HSF1: variants seen among roughly 807,000 people sequenced by gnomAD.
HSF1 encodes heat shock transcription factor 1.
HSF1 carries 32 observed loss-of-function variants against 51.7 expected under a neutral mutation model. That is an observed-to-expected ratio of 0.62 (90% confidence interval 0.47 to 0.83). The LOEUF (loss-of-function observed/expected upper bound fraction) is 0.83. HSF1 is among the 40% of genes least tolerant of loss of function. HSF1 has a pLI of 0.00. For missense variants in HSF1, 727 were observed against 717.0 expected (o/e 1.01, Z -0.16); for synonymous variants, 396 against 309.7 (o/e 1.28, Z -2.92).
At chr8:144,300,450 C>T (rs1379908630) in intron 1 of HSF1, among the ~76,000 whole-genome samples, 5 of 152,050 alleles carry the variant, frequency 3.3e-5, no homozygotes, top group African/African-American at 1.2e-4. Context: ...ATCTCCTGAC[C>T]TCGTGATCCG....
intron 1 of HSF1, among the ~76,000 whole-genome samples, chr8:144,299,458 G>T (rs1010839901): frequency 1.3e-5 from 2 of 149,770 alleles, no homozygotes; most frequent in African/African-American, 2.4e-5. Context: ...AAAAATTCAC[G>T]TCCAGAATCT....
chr8:144,295,183 G>C (rs996570983), intron 1 of HSF1, among the ~76,000 whole-genome samples: 2 of 152,180 alleles, frequency 1.3e-5, no homozygotes. Context: ...GGGCCTTGCT[G>C]GGCTGCAGCT....
rs782013906 is a variant in HSF1 at position 144,313,940 on chromosome 8, A to C, written c.1314+29A>C. 8.7e-6 allele frequency: 14 copies of C among 1,607,896 alleles called. No individual in the cohort carries two copies. The South Asian group carries it at 1.4e-4, about 16-fold the overall frequency. ...CGTAGGCGGGCGGGGGGTGAGGGGG[A>C]ACGAGACCAGCGGGAGTGCTCACAA... is the stretch of plus-strand genomic sequence containing the variant. On this transcript the variant is annotated intron_variant, in intron 11 of 12. Coordinates refer to ENST00000528838, the MANE Select transcript of HSF1 (RefSeq NM_005526.4).
Position 144,297,719 on chromosome 8 carries a change from G to A in HSF1, c.117+5845G>A, listed in dbSNP as rs891092343. Among the ~76,000 whole-genome samples, 1 of 152,208 alleles carries A rather than the reference G, an allele frequency of 6.6e-6. No individual in the cohort carries two copies. Among genetic ancestry groups the A allele is most frequent in the African/African-American group, 2.4e-5 (1 of 41,446 alleles). ...CCCGGGACCCGGAGAGGGAACAGCC[G>A]GCCAGCCGAGCCCAGGAGCCCAGAT... On this transcript the variant is annotated intron_variant, in intron 1 of 12. Coordinates refer to ENST00000528838, the MANE Select transcript of HSF1 (RefSeq NM_005526.4). This position sits in a 1 kb window ranked among gnomAD's most constrained non-coding sequence, Gnocchi z 4.6.
rs782539039 is a variant in HSF1, at chr8:144,308,952, A to T, written c.164A>T (p.Glu55Val). 6.2e-7 allele frequency: 1 copy of T among 1,614,146 alleles called. No individual in the cohort carries two copies. The highest frequency in any genetic ancestry group is 8.5e-7 in the Non-Finnish European group (1 of 1,179,980). The change falls in exon 2 of 13, where the codon GAG becomes GTG. Residue 55 changes from glutamate to valine, a missense_variant. Physicochemically the swap from Glu to Val is moderately radical, Grantham distance 121. This residue lies in a region of HSF1 where 257 missense variants were observed against 318.3 expected (regional missense o/e 0.81). Coordinates refer to ENST00000528838, the MANE Select transcript of HSF1 (RefSeq NM_005526.4). ...HVFDQGQFAK[E>V]VLPKYFKHNN... ...TTCGACCAGGGCCAGTTTGCCAAGG[A>T]GGTGCTGCCCAAGTACTTCAAGCAC...
At chr8:144,310,047 C>T (rs1816511724) in intron 4 of HSF1, 151 bp downstream of exon 4, 1 of 938,992 alleles carries the variant, frequency 1.1e-6, no homozygotes, top group African/African-American at 1.7e-5. Context: ...CTGCCCCAGC[C>T]CCGCCGCCCG....
intron 1 of HSF1, among the ~76,000 whole-genome samples, chr8:144,306,708 C>T (rs1055667187): frequency 8.7e-4 from 133 of 152,268 alleles, no homozygotes; most frequent in African/African-American, 3.1e-3. Flanking sequence ...CTCTGGAGCT[C>T]GGACTCCCCC....
intron 1 of HSF1, among the ~76,000 whole-genome samples, chr8:144,294,892 C>G (rs1554841035): frequency 3.3e-5 from 5 of 152,212 alleles, no homozygotes. Flanking sequence ...AGGTTATGAT[C>G]CCGGGGATCC....
chr8:144,306,777 C>T (rs1029591435), intron 1 of HSF1, among the ~76,000 whole-genome samples: 13 of 152,208 alleles, frequency 8.5e-5, no homozygotes, highest in East Asian at 5.8e-4. Flanking sequence ...GGTAGCTTTT[C>T]GGCACTAATT....
intron 9 of HSF1, 71 bp downstream of exon 9, chr8:144,312,315 T>A: frequency 8.7e-7 from 1 of 1,153,604 alleles, no homozygotes; most frequent in Non-Finnish European, 1.2e-6. Flanking sequence ...GCCCCGACTG[T>A]CCCAGTGGAC....
In HSF1 at chr8:144,314,373, G is replaced by A. The variant is rs1554846296; in HGVS notation, c.*43G>A. The A allele has an allele frequency of 1.0e-5, 15 of 1,504,320 alleles. No homozygotes were observed. Among genetic ancestry groups the A allele is most frequent in the Middle Eastern group, 1.7e-4 (1 of 5,848 alleles). 93.2% of individuals were successfully genotyped at this position (1,504,320 alleles called of 1,614,324 possible). On this transcript the variant is annotated 3_prime_UTR_variant, in exon 13 of 13. Coordinates refer to ENST00000528838, the MANE Select transcript of HSF1 (RefSeq NM_005526.4). ...GGCCAGCCGCCCACCCCCACCCCCA[G>A]TGCAGGGCTGGTCTTGGGGAGGCAG...
chr8:144,309,392 C>T (rs2130424775), intron 2 of HSF1, 63 bp from the exon 3 acceptor site: 1 of 1,599,612 alleles, frequency 6.3e-7, no homozygotes, highest in South Asian at 1.1e-5. Flanking sequence ...GGAGCAGTGG[C>T]CGCTCTTCAG....
chr8:144,310,205 A>G (rs1642123022), intron 4 of HSF1: 1 of 354,352 alleles, frequency 2.8e-6, no homozygotes, highest in Non-Finnish European at 5.3e-6. Context: ...CCTACTTTTG[A>G]GGACAAGCCT....
Position 144,291,723 on chromosome 8 carries a change from G to A in HSF1, c.-35G>A. On this transcript the variant is annotated 5_prime_UTR_variant, in exon 1 of 13. Coordinates refer to ENST00000528838, the MANE Select transcript of HSF1 (RefSeq NM_005526.4). The surrounding 1 kb of genome is among the most constrained non-coding windows in gnomAD (Gnocchi z 4.1). ...AGCCCGGCCCTCGGCCCCTCTTTGC[G>A]GCCGCTCCCTCCGCCTATTCCCTCC... The A allele has an allele frequency of 7.7e-7, 1 of 1,297,532 alleles. No homozygotes were observed. Among genetic ancestry groups the A allele is most frequent in the South Asian group, 1.3e-5 (1 of 75,258 alleles). 80.4% of individuals were successfully genotyped at this position (1,297,532 alleles called of 1,614,324 possible).
In HSF1 at chr8:144,313,631, GCC is replaced by G; in HGVS notation, c.1248+16_1248+17del. 1.7e-6 allele frequency: 1 copy of G among 601,850 alleles called. No individual in the cohort carries two copies. Among genetic ancestry groups the G allele is most frequent in the Non-Finnish European group, 2.4e-6 (1 of 421,006 alleles). 37.3% of individuals were successfully genotyped at this position (601,850 alleles called of 1,614,324 possible). On this transcript the variant is annotated intron_variant, in intron 10 of 12. Coordinates refer to ENST00000528838, the MANE Select transcript of HSF1 (RefSeq NM_005526.4). ...CCCTGCTGGACGTGAGTGGAGCCCC[GCC>G]GCCCCGCCTCCCCGCCCCGCCTCCC...
intron 2 of HSF1, 41 bp from the exon 3 acceptor site, chr8:144,309,414 C>T (rs1275030621): frequency 1.2e-6 from 2 of 1,611,162 alleles, no homozygotes; most frequent in Non-Finnish European, 1.7e-6. Flanking sequence ...GGTTCTGGTC[C>T]CGCCCTGAGG....
chr8:144,309,291 C>T (rs1463348029), intron 2 of HSF1, 164 bp from the exon 3 acceptor site: 4 of 907,440 alleles, frequency 4.4e-6, no homozygotes, highest in Non-Finnish European at 6.7e-6. Context: ...CACAGGGTCT[C>T]CCTTAGACCA....
In HSF1 at chr8:144,301,387, C is replaced by G. The variant is rs970974880; in HGVS notation, c.118-7519C>G. ...TGAGCCATGATCGTACCACTGCACT[C>G]CAGCCTGGGCAACAGAGCCCTGTCT... is the stretch of plus-strand genomic sequence containing the variant. On this transcript the variant is annotated intron_variant, in intron 1 of 12. Transcript: ENST00000528838. Among the ~76,000 whole-genome samples, 14 of 151,934 alleles carry G rather than the reference C, an allele frequency of 9.2e-5. 2 individuals are homozygous for G. The highest frequency in any genetic ancestry group is 9.2e-4 in the Admixed American group (14 of 15,246).
At position 144,313,522 on chromosome 8, in the gene HSF1, G is replaced by A. The variant is rs782340758; in HGVS notation, c.1154G>A (p.Ser385Asn). ...SVACLDKNEL[S>N]DHLDAMDSNL... ...TTATCCCGGGCCAGGAATGAGCTCAGTGACCACTTGGATGCTATGGACTCC... is the reference window on the plus strand; with the variant it reads ...TTATCCCGGGCCAGGAATGAGCTCAATGACCACTTGGATGCTATGGACTCC... Residue 385 changes from serine (S) to asparagine (N), a missense_variant, in exon 10 of 13, where the codon AGT (serine) becomes AAT (asparagine). Coordinates refer to ENST00000528838, the MANE Select transcript of HSF1 (RefSeq NM_005526.4). 1.9e-6 allele frequency: 3 copies of A among 1,610,746 alleles called. No homozygotes were observed. The South Asian group carries it at 3.3e-5, about 18-fold the overall frequency.
Sources: gnomAD v4.1 joint callset for allele counts (sites outside exome capture counted in the v4.1 genomes callset) on GRCh38, gnomAD v4.1.1 for gene constraint, gnomAD v4.1.1 regional missense constraint, Gnocchi (gnomAD v3.1) non-coding constraint, MANE v1.5 for transcripts, NCBI Gene and HGNC (gene_info 2026-07-23, HGNC 2026-07-21) for gene names.